The following PKNOX2 variants were observed in gnomAD, a reference collection of about 807,000 sequenced individuals.
The protein encoded by PKNOX2 is homeobox protein PKNOX2.
A neutral mutation model predicts 53.1 loss-of-function variants in PKNOX2; 14 were observed. The observed-to-expected ratio is 0.26, with a 90% CI of 0.17 to 0.41. PKNOX2 has a LOEUF of 0.41. Ranked by LOEUF, PKNOX2 falls within the 10% of genes least tolerant of loss-of-function variation. PKNOX2 has a pLI of 1.00. For synonymous variants in PKNOX2, 257 were observed against 242.8 expected (o/e 1.06, Z -0.54); for missense variants, 496 against 602.8 (o/e 0.82, Z 1.85).
chr11:125,409,200 C>A (rs1290792231), intron 7 of PKNOX2, among the ~76,000 whole-genome samples: 1 of 152,198 alleles, frequency 6.6e-6, no homozygotes, highest in Non-Finnish European at 1.5e-5. Flanking sequence ...CTCACAAATT[C>A]TCTCCAAGCA....
In PKNOX2 at chr11:125,258,152, G is replaced by C. The variant is rs549489292; in HGVS notation, c.-130+23037G>C. Among the ~76,000 whole-genome samples, 7 of 152,190 alleles carry C rather than the reference G, an allele frequency of 4.6e-5. No homozygotes were observed. In the East Asian group the frequency reaches 9.7e-4, roughly 21 times the overall value. On this transcript the variant is annotated intron_variant, in intron 2 of 12. Transcript: ENST00000298282. The stretch of plus-strand genomic sequence containing the variant: ...GCTTTCTTCCGCCACACCCACCCCA[G>C]CACCCCTGCAACCTCAGCTTCCTCA...
intron 2 of PKNOX2, among the ~76,000 whole-genome samples, chr11:125,242,697 C>T (rs897136372): frequency 2.0e-5 from 3 of 152,106 alleles, no homozygotes; most frequent in Admixed American, 6.6e-5. Flanking sequence ...AGTGTGCGAG[C>T]GAGGCAGTCT....
At chr11:125,260,777 C>T (rs1329681570) in intron 2 of PKNOX2, among the ~76,000 whole-genome samples, 1 of 152,170 alleles carries the variant, frequency 6.6e-6, no homozygotes, top group African/African-American at 2.4e-5. Flanking sequence ...TCGCTGTGGC[C>T]TTGAGGACAA....
At chr11:125,377,721 CACTAAT>C (rs948662397) in intron 5 of PKNOX2, among the ~76,000 whole-genome samples, 2 of 152,350 alleles carry the variant, frequency 1.3e-5, no homozygotes, top group African/African-American at 4.8e-5. Flanking sequence ...ACATAAAATA[CACTAAT>C]ACTAACAATA....
chr11:125,286,000 C>G (rs913290504), intron 2 of PKNOX2, among the ~76,000 whole-genome samples: 2 of 152,148 alleles, frequency 1.3e-5, no homozygotes, highest in Non-Finnish European at 2.9e-5. Context: ...TTCCAGAAAG[C>G]CAGCTGTTAA....
intron 3 of PKNOX2, among the ~76,000 whole-genome samples, chr11:125,338,533 G>C (rs1359221403): frequency 6.6e-6 from 1 of 152,142 alleles, no homozygotes; most frequent in Non-Finnish European, 1.5e-5. Context: ...GCCTGGCTCT[G>C]GGAGCAGACA....
At chr11:125,411,509 T>TCCCCCC (rs1410958388) in intron 9 of PKNOX2, 4 of 315,072 alleles carry the variant, frequency 1.3e-5, no homozygotes, top group Non-Finnish European at 1.8e-5. Flanking sequence ...TCTCTCTCTC[T>TCCCCCC]CCCCCCCTTC....
intron 2 of PKNOX2, among the ~76,000 whole-genome samples, chr11:125,294,011 G>A (rs1410568172): frequency 6.6e-6 from 1 of 152,216 alleles, no homozygotes; most frequent in Non-Finnish European, 1.5e-5. Flanking sequence ...ATGAAAAACT[G>A]TGTTAGGAAG....
Position 125,351,353 on chromosome 11 carries a change from G to C in PKNOX2, c.48G>C (p.Thr16=). ...SPAPALTMMA[T]QNVPPPPYQD... Reference sequence around the variant, plus strand: ...CCCCCGCTCTGACGATGATGGCCACGCAGAATGTCCCGCCCCCACCCTACC... The same window carrying C: ...CCCCCGCTCTGACGATGATGGCCACCCAGAATGTCCCGCCCCCACCCTACC... Residue 16 remains threonine, a synonymous_variant, in exon 4 of 13, where the codon ACG becomes ACC. Coordinates refer to ENST00000298282, the MANE Select transcript of PKNOX2 (RefSeq NM_001382323.2). 1.2e-6 allele frequency: 2 copies of C among 1,609,846 alleles called. No homozygotes were observed. Among genetic ancestry groups the C allele is most frequent in the African/African-American group, 2.7e-5 (2 of 74,908 alleles).
At chr11:125,419,746 A>T (rs1447082301) in intron 10 of PKNOX2, among the ~76,000 whole-genome samples, 1 of 151,894 alleles carries the variant, frequency 6.6e-6, no homozygotes, top group Non-Finnish European at 1.5e-5. Context: ...GATCAGCTTC[A>T]TGGGAAGAAT....
intron 2 of PKNOX2, among the ~76,000 whole-genome samples, chr11:125,294,382 G>A (rs1947513661): frequency 1.3e-5 from 2 of 152,194 alleles, no homozygotes; most frequent in African/African-American, 4.8e-5. Context: ...GGCCAGAAGA[G>A]AGGTACAGAG....
rs559967841 is a variant in PKNOX2, at chr11:125,233,609, G to A, written c.-200-1436G>A. On this transcript the variant is annotated intron_variant, in intron 1 of 12. Transcript: ENST00000298282. ...GTTTGTAGTCCAGTGGTCTGGTTCC[G>A]CCTCTGAGGCACCTCCATGAGCTAT... is the stretch of plus-strand genomic sequence containing the variant. Among the ~76,000 whole-genome samples the A allele has an allele frequency of 6.6e-5, 10 of 152,278 alleles. No homozygotes were observed. In the South Asian group the frequency reaches 1.0e-3, roughly 16 times the overall value.
intron 1 of PKNOX2, among the ~76,000 whole-genome samples, chr11:125,207,915 A>AT (rs1416753306): frequency 3.3e-5 from 5 of 152,082 alleles, no homozygotes; most frequent in Non-Finnish European, 7.4e-5. Flanking sequence ...TTAGTCATCC[A>AT]TTTTTTTAAT....
At chr11:125,420,413 CTACT>C (rs1011525055) in intron 10 of PKNOX2, among the ~76,000 whole-genome samples, 17 of 151,456 alleles carry the variant, frequency 1.1e-4, no homozygotes, top group African/African-American at 3.7e-4. Context: ...ATAGTCCCAG[CTACT>C]TGGGAGGCTG....
chr11:125,367,433 C>G (rs1005590064), intron 4 of PKNOX2, among the ~76,000 whole-genome samples: 1 of 152,206 alleles, frequency 6.6e-6, no homozygotes, highest in African/African-American at 2.4e-5. Context: ...TGTGTCCAAA[C>G]GACAGCTGAT....
intron 10 of PKNOX2, among the ~76,000 whole-genome samples, chr11:125,426,959 G>C (rs1394592499): frequency 1.3e-5 from 2 of 152,242 alleles, no homozygotes; most frequent in Non-Finnish European, 2.9e-5. Context: ...GCGAGGACAG[G>C]CAGGAGGAAG....
intron 1 of PKNOX2, among the ~76,000 whole-genome samples, chr11:125,230,458 A>G (rs1238252929): frequency 6.6e-6 from 1 of 152,140 alleles, no homozygotes; most frequent in Non-Finnish European, 1.5e-5. Flanking sequence ...TGTTGGAGGG[A>G]CGAGTGGTCC....
chr11:125,390,735 C>T (rs116746946), intron 6 of PKNOX2, among the ~76,000 whole-genome samples: 1,873 of 152,350 alleles, frequency 0.012, 50 homozygotes, highest in African/African-American at 0.043. Context: ...GCTCTAACTC[C>T]TGAAGCCCAC....
At chr11:125,182,615 C>CATACAACAGGCTG (rs1565463363) in intron 1 of PKNOX2, among the ~76,000 whole-genome samples, 13 of 152,022 alleles carry the variant, frequency 8.6e-5, no homozygotes, top group African/African-American at 2.9e-4. Context: ...ACAACAGGCT[C>CATACAACAGGCTG]AGCCATCTGA....
Sources: allele counts gnomAD v4.1 joint callset (sites outside exome capture counted in the v4.1 genomes callset), GRCh38; gene constraint gnomAD v4.1.1; transcripts MANE v1.5; gene names NCBI Gene and HGNC (gene_info 2026-07-23, HGNC 2026-07-21).